The following DAPK1 variants were observed in gnomAD, a reference collection of about 807,000 sequenced individuals.
The protein encoded by DAPK1 is death associated protein kinase 1.
DAPK1 carries 56 observed loss-of-function variants against 144.9 expected under a neutral mutation model. The observed-to-expected ratio is 0.39, with a 90% CI of 0.31 to 0.48. DAPK1 has a LOEUF of 0.48. Ranked by LOEUF, DAPK1 falls within the 20% of genes least tolerant of loss-of-function variation. The pLI, the probability that DAPK1 is intolerant of heterozygous loss-of-function variation, is 0.95. For synonymous variants in DAPK1, 690 were observed against 749.0 expected (o/e 0.92, Z 1.29); for missense variants, 1,454 against 1,875.4 (o/e 0.78, Z 4.15).
rs769252894 is a variant in DAPK1 at position 87,706,327 on chromosome 9, G to T, written c.3256G>T (p.Asp1086Tyr). The part of the protein sequence containing the change: ...SDVEELLQIL[D>Y]AMDICARDLS... ...CGTGGAGGAGCTGCTGCAGATCCTC[G>T]ATGCCATGGACATCTGCGCCCGGGA... The change falls in exon 26 of 26, where the codon GAT (aspartate) becomes TAT (tyrosine). Residue 1086 changes from aspartate (D) to tyrosine (Y), a missense_variant. Transcript: ENST00000408954. The surrounding 1 kb of genome is among the most constrained non-coding windows in gnomAD (Gnocchi z 9.0). The T allele has an allele frequency of 1.2e-6, 2 of 1,607,218 alleles. No homozygotes were observed. The highest frequency in any genetic ancestry group is 3.4e-5 in the Admixed American group (2 of 59,044).
chr9:87,528,436 T>TC (rs1358476669), intron 2 of DAPK1, among the ~76,000 whole-genome samples: 1 of 152,088 alleles, frequency 6.6e-6, no homozygotes, highest in Non-Finnish European at 1.5e-5. Flanking sequence ...CAGGCTGGTC[T>TC]CGAGCTCCTG....
chr9:87,658,119 C>T lies in DAPK1; in HGVS notation c.1915C>T (p.Leu639=), dbSNP rs1217172529. Residue 639 remains leucine, a synonymous_variant, in exon 18 of 26, where the codon CTG becomes TTG. Coordinates refer to ENST00000408954, the MANE Select transcript of DAPK1 (RefSeq NM_004938.4). ...LCLMGASVEA[L]TTDGKTAEDL... is the part of the protein sequence containing the mutation. Reference sequence around the variant, plus strand: ...TCTGATGGGAGCCAGCGTTGAGGCGCTGACCACGGTGAGTGCCCACAGGGC... The same window carrying T: ...TCTGATGGGAGCCAGCGTTGAGGCGTTGACCACGGTGAGTGCCCACAGGGC... 7.2e-7 allele frequency: 1 copy of T among 1,391,980 alleles called. No homozygotes were observed. Among genetic ancestry groups the T allele is most frequent in the Non-Finnish European group, 1.0e-6 (1 of 979,240 alleles). The allele number at this position is 1,391,980 out of a possible 1,614,324, so 86.2% of individuals were successfully genotyped here.
Position 87,637,944 on chromosome 9 carries a change from G to A in DAPK1, c.286G>A (p.Val96Ile), listed in dbSNP as rs200255856. The A allele has an allele frequency of 6.2e-5, 100 of 1,613,444 alleles. No individual in the cohort carries two copies. Among genetic ancestry groups the A allele is most frequent in the Non-Finnish European group, 5.3e-5 (62 of 1,179,602 alleles). ...TAACCTCTGCTTCCGGGTTCTCAGC[G>A]TTGCAGGTGGCGAGCTGTTTGACTT... ...KTDVILILELVAGGELFDFLA... is the reference protein window; with the variant it reads ...KTDVILILELIAGGELFDFLA... The change falls in exon 4 of 26, where the codon GTT becomes ATT. Residue 96 changes from valine to isoleucine, a missense_variant and splice_region_variant. Physicochemically the swap from Val to Ile is conservative, Grantham distance 29. Around this residue, in one of 2 missense-constraint regions of DAPK1, gnomAD observed 429 missense variants for 637.5 expected, o/e 0.67. Transcript: ENST00000408954.
rs748517245 is a variant in DAPK1 at position 87,681,487 on chromosome 9, C to G, written c.2085C>G (p.His695Gln). The change falls in exon 20 of 26, where the codon CAC becomes CAG. Residue 695 changes from histidine (H) to glutamine (Q), a missense_variant. Around this residue, in one of 2 missense-constraint regions of DAPK1, gnomAD observed 1,025 missense variants for 1,237.9 expected, o/e 0.83. Transcript: ENST00000408954. ...QPRIKLKLFGHSGSGKTTLVE... is the reference protein window; with the variant it reads ...QPRIKLKLFGQSGSGKTTLVE... ...GAATTAAGCTCAAGCTGTTTGGCCA[C>G]TCGGGATCCGGGAAAACCACCCTTG... 1 of 1,613,306 alleles carries G rather than the reference C, an allele frequency of 6.2e-7. No homozygotes were observed. Among genetic ancestry groups the G allele is most frequent in the African/African-American group, 1.3e-5 (1 of 74,888 alleles).
chr9:87,606,754 T>TTTCC (rs1828742395), intron 3 of DAPK1, among the ~76,000 whole-genome samples: 3 of 58,276 alleles, frequency 5.1e-5, no homozygotes, highest in Non-Finnish European at 1.0e-4. Flanking sequence ...TCCTTCCTTC[T>TTTCC]TTCCTTCCTT....
At chr9:87,624,252 T>A (rs1490183561) in intron 3 of DAPK1, among the ~76,000 whole-genome samples, 1 of 152,196 alleles carries the variant, frequency 6.6e-6, no homozygotes, top group African/African-American at 2.4e-5. Context: ...CCTTCCAAGA[T>A]GTCCTCCACA....
In DAPK1 at chr9:87,605,766, T is replaced by G. The variant is rs540129685; in HGVS notation, c.284+591T>G. On this transcript the variant is annotated intron_variant, in intron 3 of 25. Transcript: ENST00000408954. The stretch of plus-strand genomic sequence containing the variant: ...GTCGGATGTTATTATGGGAAACTGA[T>G]TGCGGCAGGTTATTCTGTGGCGTTT... Among the ~76,000 whole-genome samples, 13 of 152,326 alleles carry G rather than the reference T, an allele frequency of 8.5e-5. No homozygotes were observed. In the South Asian group the frequency reaches 1.7e-3, roughly 19 times the overall value.
At chr9:87,553,795 C>G (rs557289920) in intron 2 of DAPK1, 11 of 152,348 alleles carry the variant, frequency 7.2e-5, no homozygotes, top group African/African-American at 2.6e-4. Flanking sequence ...CATGCCCGGC[C>G]TCAATATTTA....
In DAPK1 at chr9:87,651,713, A is replaced by G; in HGVS notation, c.1813A>G (p.Ile605Val). The change falls in exon 17 of 26, where the codon ATC becomes GTC. Residue 605 changes from isoleucine to valine, a missense_variant. Ile to Val is a conservative substitution (Grantham distance 29). Coordinates refer to ENST00000408954, the MANE Select transcript of DAPK1 (RefSeq NM_004938.4). The stretch of plus-strand genomic sequence containing the variant: ...CTGTGAAGCAAACTGCAATTTGGAC[A>G]TCTCCAACAAGGTATGCACAGAGAA... ...ALCEANCNLD[I>V]SNKYGRTPLH... 6.2e-7 allele frequency: 1 copy of G among 1,614,066 alleles called. No individual in the cohort carries two copies. The highest frequency in any genetic ancestry group is 1.1e-5 in the South Asian group (1 of 91,064).
Position 87,686,856 on chromosome 9 carries a change from C to A in DAPK1, c.2413+117C>A. 1 of 1,428,550 alleles carries A rather than the reference C, an allele frequency of 7.0e-7. No homozygotes were observed. Among genetic ancestry groups the A allele is most frequent in the Non-Finnish European group, 9.3e-7 (1 of 1,078,962 alleles). 88.5% of individuals were successfully genotyped at this position (1,428,550 alleles called of 1,614,324 possible). On this transcript the variant is annotated intron_variant, in intron 21 of 25. Coordinates refer to ENST00000408954, the MANE Select transcript of DAPK1 (RefSeq NM_004938.4). The surrounding 1 kb of genome is among the most constrained non-coding windows in gnomAD (Gnocchi z 4.2). The stretch of plus-strand genomic sequence containing the variant: ...CTGTCACTTCCAGAAGGAAATCCAA[C>A]ACAGACTGATATTCAGAGTGAGCCA...
At chr9:87,664,888 C>T (rs573787421) in intron 18 of DAPK1, among the ~76,000 whole-genome samples, 1 of 152,348 alleles carries the variant, frequency 6.6e-6, no homozygotes, top group South Asian at 2.1e-4. Context: ...CTCCTCCCGT[C>T]TCCCTCCACA....
At chr9:87,612,079 G>T (rs1231982698) in intron 3 of DAPK1, among the ~76,000 whole-genome samples, 1 of 152,170 alleles carries the variant, frequency 6.6e-6, no homozygotes, top group East Asian at 1.9e-4. Flanking sequence ...GAGGGCAAGA[G>T]CCCACTCCCA....
chr9:87,538,828 T>TA (rs1825944814), intron 2 of DAPK1, among the ~76,000 whole-genome samples: 1 of 152,072 alleles, frequency 6.6e-6, no homozygotes, highest in South Asian at 2.1e-4. Flanking sequence ...TATTGGCTTT[T>TA]AAAAAATTTA....
At chr9:87,680,966 A>G (rs1042833689) in intron 19 of DAPK1, among the ~76,000 whole-genome samples, 2 of 152,238 alleles carry the variant, frequency 1.3e-5, no homozygotes, top group African/African-American at 4.8e-5. Flanking sequence ...TGAATTTTCA[A>G]AGTTTTCATT....
At chr9:87,619,128 C>G (rs1454636238) in intron 3 of DAPK1, among the ~76,000 whole-genome samples, 1 of 152,144 alleles carries the variant, frequency 6.6e-6, no homozygotes, top group Non-Finnish European at 1.5e-5. Flanking sequence ...CTGTAGAACT[C>G]CTACTCATCC....
chr9:87,644,644 A>G (rs1462052957), intron 11 of DAPK1, among the ~76,000 whole-genome samples: 6 of 152,188 alleles, frequency 3.9e-5, no homozygotes. Flanking sequence ...GTGAAAAGAT[A>G]AAAACTGTGA....
At chr9:87,664,201 C>T (rs1004328932) in intron 18 of DAPK1, among the ~76,000 whole-genome samples, 2 of 152,274 alleles carry the variant, frequency 1.3e-5, no homozygotes, top group Admixed American at 1.3e-4. Flanking sequence ...CCTCCCCTTC[C>T]CCTCTTCTCC....
chr9:87,630,803 A>C (rs1470341528), intron 3 of DAPK1, among the ~76,000 whole-genome samples: 1 of 152,202 alleles, frequency 6.6e-6, no homozygotes, highest in African/African-American at 2.4e-5. Flanking sequence ...TCTGCGTGTC[A>C]TCTCTGCTTC....
chr9:87,623,198 A>G (rs552051227), intron 3 of DAPK1, among the ~76,000 whole-genome samples: 17 of 152,288 alleles, frequency 1.1e-4, no homozygotes, highest in African/African-American at 4.1e-4. Flanking sequence ...GTATTAATAA[A>G]TCATGGTGCA....
Sources: allele counts gnomAD v4.1 joint callset (sites outside exome capture counted in the v4.1 genomes callset), GRCh38; gene constraint gnomAD v4.1.1; regional missense constraint gnomAD v4.1.1; non-coding constraint Gnocchi (gnomAD v3.1); transcripts MANE v1.5; gene names NCBI Gene and HGNC (gene_info 2026-07-23, HGNC 2026-07-21).